HPSE2: variants seen among roughly 807,000 people sequenced by gnomAD.
HPSE2 encodes the protein heparanase 2 (inactive), also known as inactive heparanase-2.
A neutral mutation model predicts 60.5 loss-of-function variants in HPSE2; 38 were observed. The observed-to-expected ratio is 0.63, with a 90% CI of 0.48 to 0.82. HPSE2 has a LOEUF of 0.82. HPSE2 is among the 40% of genes least tolerant of loss of function. The pLI is 0.00. For synonymous variants in HPSE2, 295 were observed against 293.2 expected (o/e 1.01, Z -0.06); for missense variants, 713 against 740.4 (o/e 0.96, Z 0.43).
At chr10:99,152,996 C>T (rs1846342413) in intron 2 of HPSE2, among the ~76,000 whole-genome samples, 1 of 152,228 alleles carries the variant, frequency 6.6e-6, no homozygotes, top group Non-Finnish European at 1.5e-5. Context: ...TGACAGAGGG[C>T]ACCTGGAAAA....
chr10:99,295,836 A>G, the HPSE2 span, among the ~76,000 whole-genome samples: 3 of 152,234 alleles, frequency 2.0e-5, no homozygotes, highest in South Asian at 6.2e-4. Context: ...CAATCACTGC[A>G]AAGATCAAAT....
intron 2 of HPSE2, among the ~76,000 whole-genome samples, chr10:99,216,640 A>G (rs1326832368): frequency 6.6e-6 from 1 of 152,130 alleles, no homozygotes; most frequent in Non-Finnish European, 1.5e-5. Context: ...GATTTCTACT[A>G]TATCATTATC....
chr10:98,956,976 C>A (rs1955525713), intron 3 of HPSE2, among the ~76,000 whole-genome samples: 2 of 151,988 alleles, frequency 1.3e-5, no homozygotes, highest in Admixed American at 6.6e-5. Flanking sequence ...GGCACTGGTA[C>A]AAATTGAATG....
rs1227034365 is a variant in HPSE2 at position 98,524,583 on chromosome 10, A to C, written c.1321-34387T>G. Among the ~76,000 whole-genome samples the C allele has an allele frequency of 2.0e-5, 3 of 152,190 alleles. No individual in the cohort carries two copies. The East Asian group carries it at 5.8e-4, about 29-fold the overall frequency. ...CTTTTGCTGAAAATGATAATATAGAAGGACAGGGAAAGATAAGGCAACTAG... is the reference window on the plus strand; with the variant it reads ...CTTTTGCTGAAAATGATAATATAGACGGACAGGGAAAGATAAGGCAACTAG... On this transcript the variant is annotated intron_variant, in intron 9 of 11. Coordinates refer to ENST00000370552, the MANE Select transcript of HPSE2 (RefSeq NM_021828.5).
intron 3 of HPSE2, among the ~76,000 whole-genome samples, chr10:98,872,797 C>T (rs1044283938): frequency 2.0e-5 from 3 of 152,088 alleles, no homozygotes; most frequent in African/African-American, 4.8e-5. Context: ...ATTCGGAGTA[C>T]GAAGCTGTCA....
intron 2 of HPSE2, among the ~76,000 whole-genome samples, chr10:99,160,637 C>G (rs756644926): frequency 6.6e-6 from 1 of 152,124 alleles, no homozygotes; most frequent in Non-Finnish European, 1.5e-5. Context: ...CGGTGGCTCA[C>G]GCCTGTAATC....
At chr10:98,777,424 T>C (rs894504922) in intron 3 of HPSE2, among the ~76,000 whole-genome samples, 1 of 152,096 alleles carries the variant, frequency 6.6e-6, no homozygotes, top group Non-Finnish European at 1.5e-5. Flanking sequence ...AATAACCAAA[T>C]GAGATACTTA....
chr10:99,169,702 G>A (rs1202093181), intron 2 of HPSE2, among the ~76,000 whole-genome samples: 5 of 152,068 alleles, frequency 3.3e-5, no homozygotes, highest in African/African-American at 1.2e-4. Context: ...TGCCCTGCAG[G>A]ACAGTTGACA....
intron 3 of HPSE2, among the ~76,000 whole-genome samples, chr10:98,775,632 C>A (rs570705728): frequency 6.6e-5 from 10 of 152,254 alleles, no homozygotes; most frequent in African/African-American, 2.4e-4. Context: ...ACTAAGAATG[C>A]TTTATCACCT....
chr10:99,112,444 TTTGTTTTG>T (rs1278762970), intron 3 of HPSE2, among the ~76,000 whole-genome samples: 1 of 151,594 alleles, frequency 6.6e-6, no homozygotes, highest in Non-Finnish European at 1.5e-5. Context: ...TTTGTTTTGT[TTTGTTTTG>T]TTTTGTTTTT....
At chr10:99,244,819 C>G in the HPSE2 span, among the ~76,000 whole-genome samples, 1 of 152,006 alleles carries the variant, frequency 6.6e-6, no homozygotes, top group African/African-American at 2.4e-5. Flanking sequence ...AGCTGACAGA[C>G]TTTAGTAGTA....
Position 98,934,865 on chromosome 10 carries a change from T to A in HPSE2, c.611-190809A>T, listed in dbSNP as rs1954746185. Among the ~76,000 whole-genome samples the A allele has an allele frequency of 1.4e-5, 2 of 143,622 alleles. 1 individual carries two copies. The highest frequency in any genetic ancestry group is 5.7e-5 in the African/African-American group (2 of 35,192). The allele number at this position is 143,622 out of a possible 152,430, so 94.2% of individuals were successfully genotyped here. ...GAAGTGGAAGTTGCCCTGGATGATA[T>A]CCTGAAGGGTGTTTTACAACTTGGT... On this transcript the variant is annotated intron_variant, in intron 3 of 11. Transcript: ENST00000370552.
At position 99,231,865 on chromosome 10, in the gene HPSE2, G is replaced by A. The variant is rs576589645; in HGVS notation, c.448+483C>T. Among the ~76,000 whole-genome samples the A allele has an allele frequency of 4.6e-5, 7 of 152,252 alleles. No individual in the cohort carries two copies. In the East Asian group the frequency reaches 1.3e-3, roughly 29 times the overall value. On this transcript the variant is annotated intron_variant, in intron 2 of 11. Coordinates refer to ENST00000370552, the MANE Select transcript of HPSE2 (RefSeq NM_021828.5). ...CCTTCTGTACCCTAATCACAGGAAG[G>A]CAAGAAATAAGAAAAACAGAAAGGC... is the stretch of plus-strand genomic sequence containing the variant.
At chr10:98,818,950 G>C (rs1537889) in intron 3 of HPSE2, among the ~76,000 whole-genome samples, 4 of 152,078 alleles carry the variant, frequency 2.6e-5, no homozygotes, top group African/African-American at 7.3e-5. Flanking sequence ...GGTGGATAAA[G>C]TGAGGGCAAA....
intron 5 of HPSE2, among the ~76,000 whole-genome samples, chr10:98,695,572 A>G (rs1948190105): frequency 6.6e-6 from 1 of 152,194 alleles, no homozygotes; most frequent in Non-Finnish European, 1.5e-5. Flanking sequence ...TGTCAGTTCC[A>G]TTATATAGAT....
At chr10:99,076,561 T>C (rs1842957151) in intron 3 of HPSE2, among the ~76,000 whole-genome samples, 1 of 152,154 alleles carries the variant, frequency 6.6e-6, no homozygotes, top group African/African-American at 2.4e-5. Context: ...CTAACTTTTA[T>C]ATTTTTAGTG....
At chr10:98,935,118 G>GTT (rs1459736108) in intron 3 of HPSE2, among the ~76,000 whole-genome samples, 1 of 141,902 alleles carries the variant, frequency 7.0e-6, no homozygotes, top group Non-Finnish European at 1.5e-5. Flanking sequence ...CTCGTGTTGT[G>GTT]TTTTTCAGCT....
At chr10:98,927,026 C>T (rs1210556014) in intron 3 of HPSE2, among the ~76,000 whole-genome samples, 4 of 152,012 alleles carry the variant, frequency 2.6e-5, no homozygotes, top group Admixed American at 6.6e-5. Flanking sequence ...AGCTTTACTT[C>T]CAAGTATGTG....
At chr10:99,149,657 T>C (rs1846186031) in intron 2 of HPSE2, among the ~76,000 whole-genome samples, 1 of 152,178 alleles carries the variant, frequency 6.6e-6, no homozygotes, top group African/African-American at 2.4e-5. Flanking sequence ...CATTGTAATA[T>C]CAGAAAGTTA....
Sources: allele counts gnomAD v4.1 joint callset (sites outside exome capture counted in the v4.1 genomes callset), GRCh38; gene constraint gnomAD v4.1.1; transcripts MANE v1.5; gene names NCBI Gene and HGNC (gene_info 2026-07-23, HGNC 2026-07-21).